SEL1L3: variants seen among roughly 807,000 people sequenced by gnomAD.
SEL1L3 encodes the protein SEL1L family member 3, also known as protein sel-1 homolog 3.
Under a neutral mutation model 142.8 loss-of-function variants are expected in SEL1L3, and 76 were observed. The observed-to-expected ratio is 0.53, with a 90% confidence interval of 0.44 to 0.64. SEL1L3 has a LOEUF of 0.64. Among genes scored for constraint, SEL1L3 ranks in the 30% least tolerant of loss-of-function variants. The pLI is 0.00. For synonymous variants in SEL1L3, 504 were observed against 519.6 expected, an observed-to-expected ratio of 0.97 and a Z score of 0.41; for missense variants, 1,262 against 1,381.7, an observed-to-expected ratio of 0.91 and a Z score of 1.37.
intron 23 of SEL1L3, among the ~76,000 whole-genome samples, chr4:25,751,458 A>T (rs1293748165): frequency 6.6e-6 from 1 of 151,854 alleles, no homozygotes; most frequent in East Asian, 1.9e-4. Context: ...GTGTAGGCCC[A>T]GGGTGATGTG....
At chr4:25,716,666 A>G in the SEL1L3 span, among the ~76,000 whole-genome samples, 2 of 152,244 alleles carry the variant, frequency 1.3e-5, no homozygotes, top group African/African-American at 4.8e-5. Flanking sequence ...TCCTATATGT[A>G]TCAATGAGAA....
At chr4:25,721,972 T>A in the SEL1L3 span, among the ~76,000 whole-genome samples, 3 of 152,190 alleles carry the variant, frequency 2.0e-5, no homozygotes, top group Non-Finnish European at 2.9e-5. Context: ...TATATTTTGT[T>A]CCTGGGGGTC....
chr4:25,816,130 ACAT>A (rs1714375932), intron 9 of SEL1L3, among the ~76,000 whole-genome samples: 1 of 146,768 alleles, frequency 6.8e-6, no homozygotes. Flanking sequence ...ATGATATATT[ACAT>A]AATATAATAT....
At chr4:25,819,004 T>A (rs1018934303) in intron 8 of SEL1L3, among the ~76,000 whole-genome samples, 1 of 152,180 alleles carries the variant, frequency 6.6e-6, no homozygotes, top group Non-Finnish European at 1.5e-5. Context: ...GCTCTGGAGA[T>A]AGAGACATAT....
the SEL1L3 span, among the ~76,000 whole-genome samples, chr4:25,741,519 A>G: frequency 6.6e-6 from 1 of 151,934 alleles, no homozygotes; most frequent in Admixed American, 6.6e-5. Context: ...AAGTCTTTAG[A>G]TTTTCTCCTT....
intron 13 of SEL1L3, among the ~76,000 whole-genome samples, chr4:25,785,177 G>C (rs1371328180): frequency 1.3e-5 from 2 of 152,190 alleles, no homozygotes; most frequent in Non-Finnish European, 2.9e-5. Context: ...TTGGATGGGA[G>C]AGGGTTTTGC....
the SEL1L3 span, among the ~76,000 whole-genome samples, chr4:25,717,018 T>C: frequency 2.0e-5 from 3 of 152,084 alleles, no homozygotes; most frequent in South Asian, 6.2e-4. Flanking sequence ...TCCCAGCTAC[T>C]TGGGAGGCTG....
chr4:25,857,457 C>T (rs536637166), intron 1 of SEL1L3, among the ~76,000 whole-genome samples: 6 of 152,314 alleles, frequency 3.9e-5, no homozygotes, highest in African/African-American at 1.2e-4. Context: ...GTGTACTGAG[C>T]ACTGGGATGG....
chr4:25,773,797 T>C (rs2109152056), intron 17 of SEL1L3, among the ~76,000 whole-genome samples: 1 of 152,326 alleles, frequency 6.6e-6, no homozygotes, highest in Non-Finnish European at 1.5e-5. Context: ...CATGGCATAG[T>C]ATTTTGTAGA....
chr4:25,794,182 TTAAAC>T (rs1187044921), intron 11 of SEL1L3, among the ~76,000 whole-genome samples: 1 of 152,164 alleles, frequency 6.6e-6, no homozygotes, highest in Non-Finnish European at 1.5e-5. Flanking sequence ...ATGGGATGAA[TTAAAC>T]TAAACAGCTT....
At chr4:25,742,833 T>G (rs1433084389), downstream of SEL1L3, among the ~76,000 whole-genome samples, 1 of 152,176 alleles carries the variant, frequency 6.6e-6, no homozygotes, top group African/African-American at 2.4e-5. Flanking sequence ...GACCTACTGC[T>G]TGGCATCTCC....
chr4:25,824,849 G>A (rs909509049), intron 6 of SEL1L3, among the ~76,000 whole-genome samples: 4 of 152,168 alleles, frequency 2.6e-5, no homozygotes, highest in Admixed American at 6.5e-5. Flanking sequence ...TTGGGTAGAC[G>A]CAATAGAGCT....
intron 9 of SEL1L3, among the ~76,000 whole-genome samples, chr4:25,805,346 T>C (rs751980318): frequency 2.0e-5 from 3 of 152,294 alleles, no homozygotes; most frequent in Middle Eastern, 6.8e-3. Context: ...GTCGGTACTA[T>C]TTTCAGCATC....
At chr4:25,837,766 T>C (rs1715930022) in intron 2 of SEL1L3, among the ~76,000 whole-genome samples, 3 of 152,152 alleles carry the variant, frequency 2.0e-5, no homozygotes, top group Admixed American at 2.0e-4. Context: ...ACATATAGGA[T>C]ATGTTATTTA....
intron 14 of SEL1L3, among the ~76,000 whole-genome samples, chr4:25,783,465 C>G (rs1395910282): frequency 1.3e-5 from 2 of 152,216 alleles, no homozygotes; most frequent in Non-Finnish European, 2.9e-5. Flanking sequence ...ATATTGGCAG[C>G]CTTGGGAGGC....
chr4:25,731,533 C>T, the SEL1L3 span, among the ~76,000 whole-genome samples: 1 of 152,256 alleles, frequency 6.6e-6, no homozygotes, highest in South Asian at 2.1e-4. Context: ...AATCATTGGT[C>T]AGCTTTCTGT....
At chr4:25,814,658 G>C (rs1427008038) in intron 9 of SEL1L3, among the ~76,000 whole-genome samples, 1 of 149,586 alleles carries the variant, frequency 6.7e-6, no homozygotes, top group Non-Finnish European at 1.5e-5. Flanking sequence ...GAAGAACTTG[G>C]AACGAAGGGT....
chr4:25,814,705 G>A (rs183582698), intron 9 of SEL1L3, among the ~76,000 whole-genome samples: 13 of 152,156 alleles, frequency 8.5e-5, no homozygotes, highest in Admixed American at 2.0e-4. Flanking sequence ...CGTCACACTC[G>A]TCTTACTACG....
chr4:25,836,818 T>C (rs1321980029), intron 2 of SEL1L3, among the ~76,000 whole-genome samples: 1 of 152,210 alleles, frequency 6.6e-6, no homozygotes, highest in Non-Finnish European at 1.5e-5. Flanking sequence ...GGCTTCAGCT[T>C]AGGATGCTGG....
Sources: gnomAD v4.1 joint callset for allele counts (sites outside exome capture counted in the v4.1 genomes callset) on GRCh38, gnomAD v4.1.1 for gene constraint, MANE v1.5 for transcripts, NCBI Gene and HGNC (gene_info 2026-07-23, HGNC 2026-07-21) for gene names.